The following R3HCC1L variants were observed in gnomAD, a reference collection of about 807,000 sequenced individuals.
R3HCC1L encodes coiled-coil domain-containing protein R3HCC1L.
A neutral mutation model predicts 59.9 loss-of-function variants in R3HCC1L; 51 were observed. The observed-to-expected ratio is 0.85, with a 90% CI of 0.68 to 1.07. The LOEUF is 1.07. R3HCC1L is among the 50% of genes least tolerant of loss of function. The probability of loss-of-function intolerance (pLI) is 0.00; values close to 1 mark genes in which losing one functional copy is unlikely to be tolerated. For missense variants in R3HCC1L, 965 were observed against 933.0 expected (o/e 1.03, Z -0.45); for synonymous variants, 322 against 315.2 (o/e 1.02, Z -0.23).
intron 4 of R3HCC1L, among the ~76,000 whole-genome samples, chr10:98,167,507 T>A (rs946604803): frequency 2.0e-5 from 3 of 152,250 alleles, no homozygotes; most frequent in Non-Finnish European, 4.4e-5. Flanking sequence ...TGTGATTTGG[T>A]ATTTTAAAAA....
intron 4 of R3HCC1L, among the ~76,000 whole-genome samples, chr10:98,166,816 C>T (rs1473565209): frequency 6.6e-6 from 1 of 152,176 alleles, no homozygotes; most frequent in African/African-American, 2.4e-5. Context: ...CAGGTGCGTG[C>T]CACCATGCCT....
intron 5 of R3HCC1L, among the ~76,000 whole-genome samples, chr10:98,227,730 C>G (rs1021472047): frequency 6.6e-6 from 1 of 151,938 alleles, no homozygotes; most frequent in Admixed American, 6.6e-5. Flanking sequence ...ATCCCTCCCC[C>G]CTTCCCCCAC....
intron 5 of R3HCC1L, among the ~76,000 whole-genome samples, chr10:98,227,576 G>GTTT (rs11289626): frequency 2.5e-4 from 35 of 140,688 alleles, no homozygotes; most frequent in African/African-American, 8.4e-4. Flanking sequence ...AGCAGTGTGT[G>GTTT]TTTTTTTTTT....
chr10:98,162,078 G>A (rs910412174), intron 2 of R3HCC1L, among the ~76,000 whole-genome samples: 2 of 151,200 alleles, frequency 1.3e-5, no homozygotes, highest in Non-Finnish European at 2.9e-5. Context: ...AGTTTTCTTC[G>A]TATTTAACTC....
chr10:98,157,932 A>G (rs2134125242), intron 2 of R3HCC1L, among the ~76,000 whole-genome samples: 1 of 152,338 alleles, frequency 6.6e-6, no homozygotes, highest in Middle Eastern at 3.4e-3. Context: ...GCTGAAATGC[A>G]GTAACTAAGC....
Position 98,152,571 on chromosome 10 carries a change from G to A in R3HCC1L, c.-267-3522G>A, listed in dbSNP as rs568621965. 1.5e-4 allele frequency among the ~76,000 whole-genome samples: 19 copies of A among 126,832 alleles called. 2 individuals carry two copies. In the East Asian group the frequency reaches 2.6e-3, roughly 17 times the overall value. The allele number at this position is 126,832 out of a possible 152,430, so 83.2% of individuals were successfully genotyped here. On this transcript the variant is annotated intron_variant, in intron 1 of 9. Transcript: ENST00000298999. ...AGCGCCTCTTCCCGGCCGCCATCCC[G>A]TCTAGGAAGTGAGGAGCGTCTCTGC...
At position 98,187,207 on chromosome 10, in the gene R3HCC1L, AT is replaced by A. The variant is rs796381920; in HGVS notation, c.-14-20883del. On this transcript the variant is annotated intron_variant, in intron 4 of 9. Transcript: ENST00000298999. ...GGGACCAGAAGTGTTTTTGATTTTG[AT>A]TTTTTTTTTTGAATATTTGCATTAT... Among the ~76,000 whole-genome samples, 460 of 148,016 alleles carry A rather than the reference AT, an allele frequency of 3.1e-3. 2 individuals carry two copies. Among genetic ancestry groups the A allele is most frequent in the African/African-American group, 8.9e-3 (361 of 40,546 alleles).
chr10:98,199,854 A>G (rs192809560), intron 4 of R3HCC1L, among the ~76,000 whole-genome samples: 162 of 152,218 alleles, frequency 1.1e-3, no homozygotes, highest in Admixed American at 2.2e-3. Context: ...CTCAGAATCA[A>G]CAAAGAATGA....
In R3HCC1L at chr10:98,239,678, A is replaced by G. The variant is rs570080795; in HGVS notation, c.2269+3514A>G. ...TTTGAGTTTTAAGTACTTTTCTGCTATATTTTTCACTCTACTTTGATTATT... is the reference window on the plus strand; with the variant it reads ...TTTGAGTTTTAAGTACTTTTCTGCTGTATTTTTCACTCTACTTTGATTATT... On this transcript the variant is annotated intron_variant, in intron 9 of 9. Coordinates refer to ENST00000298999, the MANE Select transcript of R3HCC1L (RefSeq NM_001351015.2). Among the ~76,000 whole-genome samples the G allele has an allele frequency of 8.4e-4, 128 of 152,262 alleles. 1 individual carries two copies. Among genetic ancestry groups the G allele is most frequent in the African/African-American group, 3.0e-3 (126 of 41,562 alleles).
intron 6 of R3HCC1L, among the ~76,000 whole-genome samples, chr10:98,233,410 A>T (rs896370779): frequency 6.6e-6 from 1 of 152,200 alleles, no homozygotes; most frequent in Non-Finnish European, 1.5e-5. Context: ...ATATTGATGA[A>T]CATTGCTATT....
chr10:98,179,706 G>A (rs1354134556), intron 4 of R3HCC1L, among the ~76,000 whole-genome samples: 1 of 152,070 alleles, frequency 6.6e-6, no homozygotes, highest in Non-Finnish European at 1.5e-5. Flanking sequence ...ACTTTTTTTA[G>A]TTGGTAGGCT....
intron 4 of R3HCC1L, among the ~76,000 whole-genome samples, chr10:98,174,935 C>A (rs181402670): frequency 5.0e-4 from 76 of 152,128 alleles, no homozygotes; most frequent in Non-Finnish European, 1.8e-4. Flanking sequence ...CTCTGTAGTT[C>A]AAAATAAAAC....
intron 5 of R3HCC1L, chr10:98,231,153 A>G: frequency 3.1e-6 from 1 of 325,878 alleles, no homozygotes; most frequent in Non-Finnish European, 6.0e-6. Context: ...AAATATTATT[A>G]ATTAATCTCT....
chr10:98,223,805 A>G (rs999580278), intron 5 of R3HCC1L, among the ~76,000 whole-genome samples: 1 of 152,132 alleles, frequency 6.6e-6, no homozygotes, highest in African/African-American at 2.4e-5. Context: ...CGTTCTGTGC[A>G]CCAAAGGTAG....
chr10:98,208,488 C>T lies in R3HCC1L; in HGVS notation c.374C>T (p.Ala125Val). Residue 125 changes from alanine to valine, a missense_variant, in exon 5 of 10, where the codon GCC becomes GTC. Physicochemically the swap from Ala to Val is moderately conservative, Grantham distance 64 (BLOSUM62 0). Transcript: ENST00000298999. ...TTATCCCAAGGACAACAGCAGGGAG[C>T]CCCAAATGCTGGGGTTATAACTAAT... ...EVLSQGQQQG[A>V]PNAGVITNAP... 6.2e-7 allele frequency: 1 copy of T among 1,614,126 alleles called. No individual in the cohort carries two copies.
rs1424101193 is a variant in R3HCC1L at position 98,208,493 on chromosome 10, A to G, written c.379A>G (p.Asn127Asp). 8 of 1,614,084 alleles carry G rather than the reference A, an allele frequency of 5.0e-6. No homozygotes were observed. The highest frequency in any genetic ancestry group is 2.2e-5 in the East Asian group (1 of 44,886). The change falls in exon 5 of 10, where the codon AAT becomes GAT. Residue 127 changes from asparagine (N) to aspartate (D), a missense_variant. Coordinates refer to ENST00000298999, the MANE Select transcript of R3HCC1L (RefSeq NM_001351015.2). ...LSQGQQQGAP[N>D]AGVITNAPLQ... ...CCAAGGACAACAGCAGGGAGCCCCAAATGCTGGGGTTATAACTAATGCACC... is the reference window on the plus strand; with the variant it reads ...CCAAGGACAACAGCAGGGAGCCCCAGATGCTGGGGTTATAACTAATGCACC...
intron 6 of R3HCC1L, among the ~76,000 whole-genome samples, chr10:98,233,207 C>A (rs1369474288): frequency 6.6e-6 from 1 of 152,064 alleles, no homozygotes; most frequent in Non-Finnish European, 1.5e-5. Flanking sequence ...TCTAGAATTT[C>A]TTGAAGATCA....
intron 9 of R3HCC1L, among the ~76,000 whole-genome samples, chr10:98,242,281 G>A (rs1459825702): frequency 3.9e-5 from 6 of 152,128 alleles, no homozygotes; most frequent in African/African-American, 1.4e-4. Context: ...CCTGGGAGGC[G>A]GAGGTTGCAG....
At chr10:98,161,372 C>G (rs1847400171) in intron 2 of R3HCC1L, among the ~76,000 whole-genome samples, 1 of 152,068 alleles carries the variant, frequency 6.6e-6, no homozygotes, top group Non-Finnish European at 1.5e-5. Context: ...TTGGTCCCCT[C>G]CCCTTTCTCA....
Sources: gnomAD v4.1 joint callset for allele counts (sites outside exome capture counted in the v4.1 genomes callset) on GRCh38, gnomAD v4.1.1 for gene constraint, MANE v1.5 for transcripts, NCBI Gene and HGNC (gene_info 2026-07-23, HGNC 2026-07-21) for gene names.